Variants in WASF2 observed in about 807,000 individuals in gnomAD.
WASF2 encodes the protein actin-binding protein WASF2.
A neutral mutation model predicts 45.0 loss-of-function variants in WASF2; 14 were observed. The observed-to-expected ratio is 0.31, with a 90% CI of 0.21 to 0.49. The LOEUF is 0.49. Among genes scored for constraint, WASF2 ranks in the 20% least tolerant of loss-of-function variants. The pLI is 0.99. For synonymous variants in WASF2, 200 were observed against 236.3 expected, an observed-to-expected ratio of 0.85 and a Z score of 1.41; for missense variants, 439 against 636.1, an observed-to-expected ratio of 0.69 and a Z score of 3.33.
intron 1 of WASF2, among the ~76,000 whole-genome samples, chr1:27,477,569 G>T (rs993206820): frequency 6.6e-6 from 1 of 150,496 alleles, no homozygotes; most frequent in African/African-American, 2.4e-5. Flanking sequence ...GTTGCAATGA[G>T]CAAGTATTAC....
chr1:27,488,778 C>A (rs1441344316), intron 1 of WASF2, among the ~76,000 whole-genome samples: 2 of 152,196 alleles, frequency 1.3e-5, no homozygotes, highest in African/African-American at 4.8e-5. Flanking sequence ...CTAACACTAT[C>A]TTTTGAGTGG....
chr1:27,461,291 T>G (rs1034929415), intron 1 of WASF2, among the ~76,000 whole-genome samples: 1 of 152,038 alleles, frequency 6.6e-6, no homozygotes, highest in South Asian at 2.1e-4. Flanking sequence ...TTTGCCACAT[T>G]TACTTTACAC....
chr1:27,434,477 G>GAGGC (rs2017105449), intron 1 of WASF2, among the ~76,000 whole-genome samples: 1 of 152,126 alleles, frequency 6.6e-6, no homozygotes, highest in Non-Finnish European at 1.5e-5. Context: ...CACACAATCA[G>GAGGC]AGGCACATTT....
chr1:27,415,148 G>A (rs568302956), intron 5 of WASF2, among the ~76,000 whole-genome samples, 185 bp from the exon 6 acceptor site: 1 of 152,080 alleles, frequency 6.6e-6, no homozygotes, highest in East Asian at 1.9e-4. Context: ...AACCATCCCC[G>A]GGTGAAACAT....
At chr1:27,454,265 T>A (rs76285117) in intron 1 of WASF2, among the ~76,000 whole-genome samples, 224 of 149,490 alleles carry the variant, frequency 1.5e-3, no homozygotes, top group Non-Finnish European at 2.9e-3. Flanking sequence ...ATGATCACTC[T>A]TTGTAACCTG....
chr1:27,408,889 TAGAAAG>T (rs1365677324), intron 8 of WASF2, among the ~76,000 whole-genome samples: 1 of 150,908 alleles, frequency 6.6e-6, no homozygotes, highest in Non-Finnish European at 1.5e-5. Flanking sequence ...AAAAAGGAGT[TAGAAAG>T]AGGGCAGGGG....
intron 1 of WASF2, among the ~76,000 whole-genome samples, chr1:27,452,065 C>A (rs1271719909): frequency 6.6e-6 from 1 of 152,116 alleles, no homozygotes; most frequent in Non-Finnish European, 1.5e-5. Context: ...AGGCAGGAGA[C>A]CACTGTATTT....
In WASF2 at chr1:27,481,283, G is replaced by A. The variant is rs532425558; in HGVS notation, c.-44+8703C>T. 8.5e-5 allele frequency among the ~76,000 whole-genome samples: 13 copies of A among 152,096 alleles called. No homozygotes were observed. In the East Asian group the frequency reaches 2.3e-3, roughly 27 times the overall value. ...CACGCCACTGCACTCCAGCCTGGGCGACAGAGGGAGACTCCGTATGAAAAA... is the reference window on the plus strand; with the variant it reads ...CACGCCACTGCACTCCAGCCTGGGCAACAGAGGGAGACTCCGTATGAAAAA... On this transcript the variant is annotated intron_variant, in intron 1 of 8. Transcript: ENST00000618852.
At position 27,418,225 on chromosome 1, in the gene WASF2, A is replaced by AG. The variant is rs2016851612; in HGVS notation, c.419+43_419+44insC. 2.5e-6 allele frequency: 4 copies of AG among 1,580,488 alleles called. No homozygotes were observed. In the African/African-American group the frequency reaches 5.5e-5, roughly 22 times the overall value. ...TTCAGACAAAAAAAAATCTAGCGTT[A>AG]TTAAACCATAGGTTGAAAAAGGGAG... is the stretch of plus-strand genomic sequence containing the variant. On this transcript the variant is annotated intron_variant, in intron 4 of 8. Transcript: ENST00000618852.
chr1:27,450,630 A>T (rs1199636767), intron 1 of WASF2, among the ~76,000 whole-genome samples: 2 of 152,072 alleles, frequency 1.3e-5, no homozygotes, highest in African/African-American at 4.8e-5. Context: ...CCTCCTGAGT[A>T]GCTGGGATTA....
At chr1:27,430,811 TA>T (rs1240054656) in intron 1 of WASF2, among the ~76,000 whole-genome samples, 3,406 of 135,340 alleles carry the variant, frequency 0.025, 98 homozygotes, top group African/African-American at 0.077. Flanking sequence ...TTTATATATT[TA>T]AAAAAAAAAA....
chr1:27,466,721 G>C (rs1159012832), intron 1 of WASF2, among the ~76,000 whole-genome samples: 44 of 151,974 alleles, frequency 2.9e-4, no homozygotes, highest in Non-Finnish European at 2.9e-5. Context: ...TTAAAAGTTA[G>C]CTGGGTGTGG....
intron 8 of WASF2, among the ~76,000 whole-genome samples, chr1:27,409,162 C>T (rs571486036): frequency 3.7e-4 from 56 of 152,182 alleles, no homozygotes; most frequent in African/African-American, 1.1e-3. Context: ...CGGTGGCTCA[C>T]GCCTGTAATC....
At chr1:27,448,722 G>C (rs1251152378) in intron 1 of WASF2, among the ~76,000 whole-genome samples, 1 of 151,416 alleles carries the variant, frequency 6.6e-6, no homozygotes, top group Non-Finnish European at 1.5e-5. Flanking sequence ...CATACCCATA[G>C]TCCCAACTAC....
Position 27,428,746 on chromosome 1 carries a change from C to G in WASF2, c.130+15G>C, listed in dbSNP as rs2017020884. 6.2e-7 allele frequency: 1 copy of G among 1,614,124 alleles called. No homozygotes were observed. The highest frequency in any genetic ancestry group is 8.5e-7 in the Non-Finnish European group (1 of 1,180,006). On this transcript the variant is annotated intron_variant, in intron 2 of 8. Coordinates refer to ENST00000618852, the MANE Select transcript of WASF2 (RefSeq NM_006990.5). Reference sequence around the variant, plus strand: ...GACCCCTGAGGGCAAAGCACAGGCTCTCTGAGGCACTCACTCAGGCTGCCC... The same window carrying G: ...GACCCCTGAGGGCAAAGCACAGGCTGTCTGAGGCACTCACTCAGGCTGCCC...
At chr1:27,467,973 G>T (rs183023188) in intron 1 of WASF2, among the ~76,000 whole-genome samples, 1 of 150,932 alleles carries the variant, frequency 6.6e-6, no homozygotes, top group African/African-American at 2.4e-5. Context: ...TCACTCTGTC[G>T]CCCAGTCTGG....
chr1:27,444,570 A>G (rs1336693546), intron 1 of WASF2, among the ~76,000 whole-genome samples: 2 of 152,242 alleles, frequency 1.3e-5, no homozygotes, highest in Non-Finnish European at 2.9e-5. Context: ...AACAAAGAGC[A>G]TTACACAAAG....
At chr1:27,480,633 T>C (rs908020633) in intron 1 of WASF2, among the ~76,000 whole-genome samples, 1 of 152,178 alleles carries the variant, frequency 6.6e-6, no homozygotes, top group Admixed American at 6.5e-5. Flanking sequence ...CAAATCAAAA[T>C]ACTTGAGAGT....
rs1414345819 is a variant in WASF2, at chr1:27,464,197, T to C, written c.-44+25789A>G. ...CAGTTAGAGACCAACCTGACCAACA[T>C]GGTGAAACCCCATCTCTACTAAAAA... On this transcript the variant is annotated intron_variant, in intron 1 of 8. Coordinates refer to ENST00000618852, the MANE Select transcript of WASF2 (RefSeq NM_006990.5). Among the ~76,000 whole-genome samples, 4 of 151,758 alleles carry C rather than the reference T, an allele frequency of 2.6e-5. No individual in the cohort carries two copies. In the East Asian group the frequency reaches 7.8e-4, roughly 30 times the overall value.
Sources: allele counts gnomAD v4.1 joint callset (sites outside exome capture counted in the v4.1 genomes callset), GRCh38; gene constraint gnomAD v4.1.1; transcripts MANE v1.5; gene names NCBI Gene and HGNC (gene_info 2026-07-23, HGNC 2026-07-21).